The following ROBO1 variants were observed in gnomAD, a reference collection of about 807,000 sequenced individuals.
The protein encoded by ROBO1 is roundabout homolog 1.
ROBO1 carries 149 observed loss-of-function variants against 195.9 expected under a neutral mutation model. The ratio of observed to expected loss-of-function variants is 0.76; its 90% CI spans 0.67 to 0.87. The LOEUF (loss-of-function observed/expected upper bound fraction) is 0.87, where lower values mean the gene tolerates loss of function less well. Ranked by LOEUF, ROBO1 falls within the 40% of genes least tolerant of loss-of-function variation. The probability of loss-of-function intolerance (pLI) is 0.00; values close to 1 mark genes in which losing one functional copy is unlikely to be tolerated. For synonymous variants in ROBO1, 816 were observed against 733.2 expected, an observed-to-expected ratio of 1.11 and a Z score of -1.82; for missense variants, 1,933 against 2,068.3, an observed-to-expected ratio of 0.93 and a Z score of 1.27.
At chr3:78,992,525 A>T (rs551702717) in intron 3 of ROBO1, among the ~76,000 whole-genome samples, 10 of 152,306 alleles carry the variant, frequency 6.6e-5, no homozygotes, top group Non-Finnish European at 1.5e-4. Context: ...GCAGTGCTTG[A>T]TGACATTTGT....
intron 1 of ROBO1, among the ~76,000 whole-genome samples, chr3:79,629,265 T>C (rs930811400): frequency 2.0e-5 from 3 of 152,076 alleles, no homozygotes; most frequent in Non-Finnish European, 2.9e-5. Flanking sequence ...AAAATAAGTC[T>C]CAATAAATTC....
At chr3:78,958,838 T>C (rs1218676798) in intron 3 of ROBO1, among the ~76,000 whole-genome samples, 6 of 143,372 alleles carry the variant, frequency 4.2e-5, no homozygotes, top group Non-Finnish European at 3.0e-5. Context: ...TTTTTTTTTT[T>C]CCTTGAGATC....
intron 2 of ROBO1, among the ~76,000 whole-genome samples, chr3:79,400,908 T>A (rs1485409380): frequency 1.3e-5 from 2 of 151,824 alleles, no homozygotes; most frequent in Non-Finnish European, 2.9e-5. Flanking sequence ...AATAAATAAT[T>A]TTAACTTTAG....
intron 4 of ROBO1, among the ~76,000 whole-genome samples, chr3:78,910,514 T>C (rs756588969): frequency 6.6e-6 from 1 of 151,864 alleles, no homozygotes; most frequent in Non-Finnish European, 1.5e-5. Flanking sequence ...TAATATGAAA[T>C]GTCATCAGGT....
chr3:78,881,265 A>G lies in ROBO1; in HGVS notation c.499+57336T>C, dbSNP rs2036162272. On this transcript the variant is annotated intron_variant, in intron 4 of 30. Coordinates refer to ENST00000464233, the MANE Select transcript of ROBO1 (RefSeq NM_002941.4). ...GGAAATTTCACCAACTCATTTTAGC[A>G]TCTCCAAGTTGGTGGGAAAGTGTGT... 2.6e-5 allele frequency among the ~76,000 whole-genome samples: 4 copies of G among 152,290 alleles called. No individual in the cohort carries two copies. In the South Asian group the frequency reaches 8.3e-4, roughly 32 times the overall value.
intron 2 of ROBO1, among the ~76,000 whole-genome samples, chr3:79,238,658 T>A (rs2082457092): frequency 6.6e-6 from 1 of 152,222 alleles, no homozygotes; most frequent in Admixed American, 6.5e-5. Context: ...TTTTAAGTGC[T>A]TGATCCAGGT....
At chr3:79,702,588 T>G (rs774472844) in intron 1 of ROBO1, among the ~76,000 whole-genome samples, 8 of 151,832 alleles carry the variant, frequency 5.3e-5, no homozygotes, top group Non-Finnish European at 1.2e-4. Flanking sequence ...CAATTAACCT[T>G]CACACGAATC....
intron 2 of ROBO1, among the ~76,000 whole-genome samples, chr3:79,569,502 A>G (rs533568276): frequency 8.7e-4 from 132 of 152,260 alleles, no homozygotes; most frequent in African/African-American, 2.9e-3. Context: ...ACAAGTTTCA[A>G]TGTTTTCATG....
At chr3:78,787,972 C>T (rs1352161158) in intron 4 of ROBO1, among the ~76,000 whole-genome samples, 3 of 124,812 alleles carry the variant, frequency 2.4e-5, no homozygotes, top group South Asian at 2.7e-4. Context: ...CGGAGTCTCC[C>T]GCTGTCTCCC....
chr3:79,459,269 A>G (rs768274791), intron 2 of ROBO1, among the ~76,000 whole-genome samples: 3 of 152,150 alleles, frequency 2.0e-5, no homozygotes, highest in African/African-American at 4.8e-5. Flanking sequence ...AATGTAATCA[A>G]TCAATTGATA....
At chr3:79,245,809 T>A (rs2082615156) in intron 2 of ROBO1, among the ~76,000 whole-genome samples, 1 of 152,066 alleles carries the variant, frequency 6.6e-6, no homozygotes, top group South Asian at 2.1e-4. Context: ...AGGTTTATCC[T>A]AAATGGATTG....
In ROBO1 at chr3:79,222,434, G is replaced by C. The variant is rs1309279230; in HGVS notation, c.89-96895C>G. 5.9e-5 allele frequency among the ~76,000 whole-genome samples: 9 copies of C among 151,870 alleles called. No homozygotes were observed. In the East Asian group the frequency reaches 1.5e-3, roughly 26 times the overall value. On this transcript the variant is annotated intron_variant, in intron 2 of 30. Transcript: ENST00000464233. Reference sequence around the variant, plus strand: ...TCTTCATTAGGCTGAAAATGTTGGAGTATTTTTCCCTTGTGGGCAAGCCAT... The same window carrying C: ...TCTTCATTAGGCTGAAAATGTTGGACTATTTTTCCCTTGTGGGCAAGCCAT...
At chr3:79,035,606 T>C (rs2078368555) in intron 3 of ROBO1, among the ~76,000 whole-genome samples, 1 of 151,976 alleles carries the variant, frequency 6.6e-6, no homozygotes. Flanking sequence ...ATGTTTCTAG[T>C]CCCAGCTACT....
chr3:79,766,071 G>A (rs1266888795), intron 1 of ROBO1, among the ~76,000 whole-genome samples: 3 of 149,580 alleles, frequency 2.0e-5, no homozygotes, highest in Non-Finnish European at 4.4e-5. Context: ...TGTGAAATGA[G>A]CCTCCTGCCC....
intron 2 of ROBO1, among the ~76,000 whole-genome samples, chr3:79,343,290 A>G (rs1411329174): frequency 6.6e-6 from 1 of 152,168 alleles, no homozygotes; most frequent in Non-Finnish European, 1.5e-5. Context: ...TTTGGCAACT[A>G]CAAATAAAGA....
chr3:78,660,944 T>C, intron 16 of ROBO1, 86 bp downstream of exon 16: 2 of 890,688 alleles, frequency 2.2e-6, no homozygotes, highest in East Asian at 2.7e-5. Flanking sequence ...ATGCCACTAT[T>C]AACATTATAA....
At chr3:78,640,743 A>G (rs963392395) in intron 21 of ROBO1, among the ~76,000 whole-genome samples, 5 of 152,128 alleles carry the variant, frequency 3.3e-5, no homozygotes, top group Admixed American at 2.6e-4. Flanking sequence ...TTCCTTTTCC[A>G]GCACCGACTT....
rs79213819 is a variant in ROBO1, at chr3:79,185,530, C to A, written c.89-59991G>T. Among the ~76,000 whole-genome samples the A allele has an allele frequency of 7.8e-3, 1,180 of 152,072 alleles. 30 individuals carry two copies. The East Asian group carries it at 0.094, about 12-fold the overall frequency. ...ACTTTATTCATCATATTTTGATTTC[C>A]TATTAGGTATTCATCTTAGAAAATA... On this transcript the variant is annotated intron_variant, in intron 2 of 30. Transcript: ENST00000464233.
intron 2 of ROBO1, among the ~76,000 whole-genome samples, chr3:79,519,701 CAGG>C (rs955753249): frequency 2.6e-5 from 4 of 150,984 alleles, no homozygotes; most frequent in African/African-American, 9.7e-5. Flanking sequence ...TTGTCCCAGC[CAGG>C]AGAAGGTTGA....
Sources: gnomAD v4.1 joint callset for allele counts (sites outside exome capture counted in the v4.1 genomes callset) on GRCh38, gnomAD v4.1.1 for gene constraint, MANE v1.5 for transcripts, NCBI Gene and HGNC (gene_info 2026-07-23, HGNC 2026-07-21) for gene names.